Variants in CSMD1 observed in about 807,000 individuals in gnomAD.
The protein encoded by CSMD1 is CUB and sushi domain-containing protein 1.
Under a neutral mutation model 417.5 loss-of-function variants are expected in CSMD1, and 213 were observed. The ratio of observed to expected loss-of-function variants is 0.51; its 90% CI spans 0.46 to 0.57. CSMD1 has a LOEUF of 0.57. Among genes scored for constraint, CSMD1 ranks in the 20% least tolerant of loss-of-function variants. The pLI, the probability that CSMD1 is intolerant of heterozygous loss-of-function variation, is 0.00. For missense variants in CSMD1, 6,923 were observed against 4,529.7 expected (o/e 1.53, Z -15.17); for synonymous variants, 2,862 against 1,736.8 (o/e 1.65, Z -16.11).
intron 48 of CSMD1, among the ~76,000 whole-genome samples, chr8:3,089,879 T>C (rs974163786): frequency 2.6e-5 from 4 of 152,176 alleles, no homozygotes; most frequent in African/African-American, 9.7e-5. Context: ...GTAGAAATCA[T>C]TGTTCTCACA....
At chr8:4,110,240 C>A (rs1352896589) in intron 3 of CSMD1, among the ~76,000 whole-genome samples, 1 of 152,080 alleles carries the variant, frequency 6.6e-6, no homozygotes, top group South Asian at 2.1e-4. Flanking sequence ...TAAAACAAGA[C>A]TGAAAGCTTG....
At chr8:3,368,959 T>A (rs1809776612) in intron 19 of CSMD1, among the ~76,000 whole-genome samples, 1 of 152,198 alleles carries the variant, frequency 6.6e-6, no homozygotes, top group Non-Finnish European at 1.5e-5. Flanking sequence ...TGGTCAGATT[T>A]TATTGAATAG....
At chr8:3,205,945 G>A (rs905257948) in intron 30 of CSMD1, among the ~76,000 whole-genome samples, 30 of 152,094 alleles carry the variant, frequency 2.0e-4, no homozygotes, top group African/African-American at 4.8e-4. Flanking sequence ...AGAAAGTCTC[G>A]CGGAGTTGTC....
intron 2 of CSMD1, among the ~76,000 whole-genome samples, chr8:4,605,576 T>C (rs913513020): frequency 6.6e-6 from 1 of 152,210 alleles, no homozygotes; most frequent in Non-Finnish European, 1.5e-5. Context: ...CTAAAGACTT[T>C]GGGAGGCAAA....
chr8:3,778,738 G>A (rs1300121461), intron 5 of CSMD1, among the ~76,000 whole-genome samples: 4 of 152,172 alleles, frequency 2.6e-5, no homozygotes, highest in African/African-American at 9.7e-5. Flanking sequence ...AGGGCCTTTG[G>A]AAATCAGGTT....
At chr8:4,483,725 A>T (rs1317225038) in intron 2 of CSMD1, among the ~76,000 whole-genome samples, 1 of 152,220 alleles carries the variant, frequency 6.6e-6, no homozygotes, top group Non-Finnish European at 1.5e-5. Context: ...GAAAGGTTCA[A>T]ACAGTTCTAG....
chr8:4,359,298 G>A (rs2128906522), intron 3 of CSMD1, among the ~76,000 whole-genome samples: 1 of 152,240 alleles, frequency 6.6e-6, no homozygotes, highest in South Asian at 2.1e-4. Flanking sequence ...GTGTATATAT[G>A]GCTGCAGTGC....
chr8:3,549,955 G>C (rs78069928), intron 10 of CSMD1, among the ~76,000 whole-genome samples: 2 of 152,084 alleles, frequency 1.3e-5, no homozygotes, highest in Admixed American at 6.5e-5. Flanking sequence ...GAAATAATTA[G>C]GTATCTTGGA....
At chr8:3,052,911 T>A (rs918465406) in intron 49 of CSMD1, among the ~76,000 whole-genome samples, 1 of 151,898 alleles carries the variant, frequency 6.6e-6, no homozygotes, top group East Asian at 1.9e-4. Context: ...TGCCTCAGCT[T>A]CCCAAGCAGC....
chr8:4,755,202 A>G (rs1384993972), intron 1 of CSMD1, among the ~76,000 whole-genome samples: 2 of 152,190 alleles, frequency 1.3e-5, no homozygotes, highest in Non-Finnish European at 2.9e-5. Context: ...TCTTGTAAAA[A>G]TCTCATGTCC....
At chr8:4,138,482 C>G (rs1803575339) in intron 3 of CSMD1, among the ~76,000 whole-genome samples, 1 of 152,086 alleles carries the variant, frequency 6.6e-6, no homozygotes, top group African/African-American at 2.4e-5. Flanking sequence ...CAAGTGCCTT[C>G]ATTCCATCCA....
intron 20 of CSMD1, among the ~76,000 whole-genome samples, chr8:3,363,924 T>C (rs898912728): frequency 1.1e-4 from 16 of 152,174 alleles, no homozygotes; most frequent in African/African-American, 3.6e-4. Flanking sequence ...CCAACTGGAA[T>C]ACGGGGCTCT....
At chr8:2,974,112 ATGATGGTAGAGG>A in intron 56 of CSMD1, among the ~76,000 whole-genome samples, 2 of 147,462 alleles carry the variant, frequency 1.4e-5, no homozygotes, top group African/African-American at 5.0e-5. Context: ...ATGGTAGAGG[ATGATGGTAGAGG>A]GAGGGAAAAT....
intron 2 of CSMD1, among the ~76,000 whole-genome samples, chr8:4,448,221 A>G (rs1798931328): frequency 6.6e-6 from 1 of 152,222 alleles, no homozygotes; most frequent in Admixed American, 6.5e-5. Flanking sequence ...AATATTTTTC[A>G]TCTTTATTCA....
At chr8:4,390,790 C>G (rs998497222) in intron 3 of CSMD1, among the ~76,000 whole-genome samples, 3 of 152,066 alleles carry the variant, frequency 2.0e-5, no homozygotes, top group Non-Finnish European at 2.9e-5. Flanking sequence ...ATCCACCTGC[C>G]TCAGCCTCCC....
rs759410045 is a variant in CSMD1 at position 3,885,903 on chromosome 8, T to C, written c.818+112000A>G. Among the ~76,000 whole-genome samples, 34 of 152,170 alleles carry C rather than the reference T, an allele frequency of 2.2e-4. 1 individual carries two copies. The highest frequency in any genetic ancestry group is 8.2e-4 in the African/African-American group (34 of 41,442). On this transcript the variant is annotated intron_variant, in intron 5 of 69. Transcript: ENST00000635120. ...TTTTTCTAAATAGGAGTAAAGTTTG[T>C]TGTTAATCTGTGAATAAATATAAAT...
At chr8:3,355,338 C>A (rs542168155) in intron 21 of CSMD1, among the ~76,000 whole-genome samples, 11 of 152,252 alleles carry the variant, frequency 7.2e-5, no homozygotes, top group African/African-American at 2.6e-4. Context: ...GGAATTATAG[C>A]AAACATTTAT....
At chr8:4,668,414 CCAT>C (rs1275025531) in intron 1 of CSMD1, among the ~76,000 whole-genome samples, 34 of 123,190 alleles carry the variant, frequency 2.8e-4, no homozygotes, top group African/African-American at 4.3e-4. Flanking sequence ...TTGATGTTTT[CCAT>C]TATTATTATT....
intron 51 of CSMD1, among the ~76,000 whole-genome samples, chr8:3,025,334 T>C (rs1054380427): frequency 9.4e-4 from 143 of 151,958 alleles, no homozygotes; most frequent in Non-Finnish European, 3.5e-4. Flanking sequence ...GTGTATTGTG[T>C]GCTGTTATTC....
Sources: gnomAD v4.1 joint callset for allele counts (sites outside exome capture counted in the v4.1 genomes callset) on GRCh38, gnomAD v4.1.1 for gene constraint, MANE v1.5 for transcripts, NCBI Gene and HGNC (gene_info 2026-07-23, HGNC 2026-07-21) for gene names.